Variants in KALRN observed in about 807,000 individuals in gnomAD.
KALRN encodes kalirin.
Under a neutral mutation model 353.7 loss-of-function variants are expected in KALRN, and 70 were observed. The observed-to-expected ratio is 0.20, with a 90% CI of 0.16 to 0.24. KALRN has a LOEUF of 0.24. Ranked by LOEUF, KALRN falls within the 10% of genes least tolerant of loss-of-function variation. The pLI, the probability that KALRN is intolerant of heterozygous loss-of-function variation, is 1.00. For synonymous variants in KALRN, 1,391 were observed against 1,434.8 expected (o/e 0.97, Z 0.69); for missense variants, 2,791 against 3,756.7 (o/e 0.74, Z 6.72).
intron 6 of KALRN, among the ~76,000 whole-genome samples, chr3:124,308,783 T>G (rs550526177): frequency 6.6e-6 from 1 of 151,100 alleles, no homozygotes; most frequent in Non-Finnish European, 1.5e-5. Context: ...AAACGAAACC[T>G]AAAGCAAGCA....
intron 21 of KALRN, among the ~76,000 whole-genome samples, chr3:124,447,193 T>C (rs543724983): frequency 6.6e-6 from 1 of 152,246 alleles, no homozygotes; most frequent in South Asian, 2.1e-4. Flanking sequence ...GGGAAAAGGG[T>C]GTATTCATGT....
intron 17 of KALRN, among the ~76,000 whole-genome samples, chr3:124,435,475 C>A (rs928695822): frequency 2.6e-5 from 4 of 152,164 alleles, no homozygotes; most frequent in African/African-American, 9.7e-5. Context: ...TTAGGGAATT[C>A]TTTTTATGAA....
At chr3:124,062,293 GTCTA>G (rs1466460700) in intron 1 of KALRN, among the ~76,000 whole-genome samples, 1 of 152,144 alleles carries the variant, frequency 6.6e-6, no homozygotes, top group Non-Finnish European at 1.5e-5. Flanking sequence ...AAACTCTGTG[GTCTA>G]TCTTAGTTCT....
chr3:124,213,542 A>G (rs183979187), intron 1 of KALRN, among the ~76,000 whole-genome samples: 1 of 152,248 alleles, frequency 6.6e-6, no homozygotes, highest in East Asian at 1.9e-4. Flanking sequence ...ATTTGTTTTT[A>G]TAGGTAAAAA....
chr3:124,251,992 G>C (rs1170835201), intron 3 of KALRN, among the ~76,000 whole-genome samples: 3 of 152,044 alleles, frequency 2.0e-5, no homozygotes, highest in African/African-American at 7.2e-5. Flanking sequence ...CTTTAAAAAG[G>C]TGGAAACTAT....
At chr3:124,307,184 G>A (rs1300204606) in intron 6 of KALRN, among the ~76,000 whole-genome samples, 2 of 152,136 alleles carry the variant, frequency 1.3e-5, no homozygotes, top group East Asian at 3.9e-4. Context: ...ATAATGTATT[G>A]TTGGGCCTAT....
chr3:124,256,758 C>A (rs986172363), intron 3 of KALRN, among the ~76,000 whole-genome samples: 1 of 152,150 alleles, frequency 6.6e-6, no homozygotes. Flanking sequence ...CTAACATGCA[C>A]CTAGAGAGAC....
chr3:124,290,737 A>G (rs1205197338), intron 5 of KALRN, among the ~76,000 whole-genome samples: 1 of 152,198 alleles, frequency 6.6e-6, no homozygotes, highest in Non-Finnish European at 1.5e-5. Flanking sequence ...TGAGGTTATT[A>G]GGAGGATTAA....
intron 6 of KALRN, among the ~76,000 whole-genome samples, chr3:124,304,469 C>G (rs966664568): frequency 6.6e-6 from 1 of 152,132 alleles, no homozygotes; most frequent in Non-Finnish European, 1.5e-5. Flanking sequence ...CTATGAAGAT[C>G]TATATGTATT....
intron 10 of KALRN, among the ~76,000 whole-genome samples, chr3:124,350,154 G>A (rs193247661): frequency 7.2e-5 from 11 of 152,302 alleles, no homozygotes; most frequent in Admixed American, 4.6e-4. Flanking sequence ...ATAGGCCGCA[G>A]TTTTTGCATT....
intron 13 of KALRN, among the ~76,000 whole-genome samples, chr3:124,406,786 G>A (rs2091588434): frequency 1.4e-5 from 2 of 145,986 alleles, no homozygotes; most frequent in South Asian, 4.4e-4. Context: ...TTTGAAACCT[G>A]TTTTACTAAC....
At chr3:124,282,164 C>A (rs1169098720) in intron 5 of KALRN, among the ~76,000 whole-genome samples, 3 of 152,006 alleles carry the variant, frequency 2.0e-5, no homozygotes, top group Admixed American at 6.6e-5. Flanking sequence ...TGTCAGGGGG[C>A]AAAGGCAGCA....
At chr3:124,094,902 G>T (rs753159455) in intron 1 of KALRN, 37 of 1,613,676 alleles carry the variant, frequency 2.3e-5, no homozygotes, top group Non-Finnish European at 2.9e-5. Context: ...CTGCTGGATC[G>T]AGGTATCCTG....
At chr3:124,328,025 CG>C in intron 7 of KALRN, among the ~76,000 whole-genome samples, 1 of 152,296 alleles carries the variant, frequency 6.6e-6, no homozygotes, top group South Asian at 2.1e-4. Context: ...TAAGGTGCCT[CG>C]TGTGCTTACT....
intron 55 of KALRN, 143 bp from the exon 56 acceptor site, chr3:124,699,726 A>T: frequency 1.4e-6 from 1 of 738,548 alleles, no homozygotes; most frequent in African/African-American, 1.8e-5. Flanking sequence ...TAGTTAGCCT[A>T]CAGGCTTTCA....
intron 37 of KALRN, among the ~76,000 whole-genome samples, chr3:124,650,364 A>G (rs2651604): frequency 0.48 from 72,530 of 152,088 alleles, 17,634 homozygotes; most frequent in Middle Eastern, 0.61. Context: ...GAACAATTTT[A>G]GCTATCTCAC....
chr3:124,674,382 A>G lies in KALRN; in HGVS notation c.6961A>G (p.Asn2321Asp). 6.2e-7 allele frequency: 1 copy of G among 1,613,528 alleles called. No homozygotes were observed. The highest frequency in any genetic ancestry group is 8.5e-7 in the Non-Finnish European group (1 of 1,179,766). The change falls in exon 49 of 60, where the codon AAT (asparagine) becomes GAT (aspartate). Residue 2321 changes from asparagine (N) to aspartate (D), a missense_variant. Around this residue, in one of 11 missense-constraint regions of KALRN, gnomAD observed 1,065 missense variants for 1,156.4 expected, o/e 0.92. Transcript: ENST00000682506. ...CCAGCAGAACGACCTGGGAGGCTGC[A>G]ATGGGACCTCGTCCATGGCCGTGAT... ...EASKNDLGGC[N>D]GTSSMAVIKD...
intron 3 of KALRN, among the ~76,000 whole-genome samples, chr3:124,261,932 C>T (rs924093146): frequency 6.6e-6 from 1 of 152,040 alleles, no homozygotes; most frequent in African/African-American, 2.4e-5. Flanking sequence ...GAAAGATGGA[C>T]AAAAGAGCTG....
At chr3:124,532,527 T>TG (rs2068125944) in intron 33 of KALRN, among the ~76,000 whole-genome samples, 1 of 152,180 alleles carries the variant, frequency 6.6e-6, no homozygotes, top group Non-Finnish European at 1.5e-5. Flanking sequence ...TTTCCTAGGC[T>TG]GGGCATGGTG....
Sources: allele counts gnomAD v4.1 joint callset (sites outside exome capture counted in the v4.1 genomes callset), GRCh38; gene constraint gnomAD v4.1.1; regional missense constraint gnomAD v4.1.1; transcripts MANE v1.5; gene names NCBI Gene and HGNC (gene_info 2026-07-23, HGNC 2026-07-21).